The following OR10A3 variants were observed in gnomAD, a reference collection of about 807,000 sequenced individuals.
OR10A3 encodes olfactory receptor family 10 subfamily A member 3, also known as olfactory receptor 10A3.
A neutral mutation model predicts 1.5 loss-of-function variants in OR10A3; 1 was observed. That is an observed-to-expected ratio of 0.66 (90% CI 0.23 to 3.11). The LOEUF is 3.11. Among genes scored for constraint, OR10A3 ranks in the 30% most tolerant of loss-of-function variants. The probability of loss-of-function intolerance (pLI) is 0.21; values close to 1 mark genes in which losing one functional copy is unlikely to be tolerated. For missense variants in OR10A3, 398 were observed against 369.7 expected (o/e 1.08, Z -0.63); for synonymous variants, 145 against 143.7 (o/e 1.01, Z -0.06).
chr11:7,939,586 T>C lies in OR10A3; in HGVS notation c.-66A>G, dbSNP rs1941411052. 3.2e-6 allele frequency: 4 copies of C among 1,238,050 alleles called. No individual in the cohort carries two copies. The Admixed American group carries it at 7.6e-5, about 23-fold the overall frequency. 76.7% of individuals were successfully genotyped at this position (1,238,050 alleles called of 1,614,324 possible). ...TATCGAGTATGAAGTCGTAATCCCA[T>C]AGCTGTGAGTTCAAGTCTGGAATTC... On this transcript the variant is annotated 5_prime_UTR_variant, in exon 2 of 2. It removes an upstream start codon present in the reference 5' UTR. Coordinates refer to ENST00000642047, the MANE Select transcript of OR10A3 (RefSeq NM_001003745.2).
rs1315508144 is a variant in OR10A3, at chr11:7,938,829, G to C, written c.692C>G (p.Thr231Ser). 2 of 1,614,204 alleles carry C rather than the reference G, an allele frequency of 1.2e-6. No homozygotes were observed. The highest frequency in any genetic ancestry group is 3.3e-5 in the Admixed American group (2 of 60,026). Residue 231 changes from threonine (T) to serine (S), a missense_variant, in exon 2 of 2, where the codon ACT becomes AGT. Coordinates refer to ENST00000642047, the MANE Select transcript of OR10A3 (RefSeq NM_001003745.2). ...GGAAAAGGCCTTTTGTCTCCCAGTA[G>C]TTGATGGCATCTTCAGGATGGCAAA... ...VLFAILKMPS[T>S]TGRQKAFSTC... is the part of the protein sequence containing the mutation.
chr11:7,939,765 A>G, intron 1 of OR10A3, 67 bp from the exon 2 acceptor site: 1 of 437,254 alleles, frequency 2.3e-6, no homozygotes. Flanking sequence ...GTACAAAATA[A>G]CAGTAAATGT....
In OR10A3 at chr11:7,937,969, G is replaced by A. The variant is rs571848217; in HGVS notation, c.*607C>T. On this transcript the variant is annotated 3_prime_UTR_variant, in exon 2 of 2. Coordinates refer to ENST00000642047, the MANE Select transcript of OR10A3 (RefSeq NM_001003745.2). ...CAGGTATAATGACATCAGTACATATGAGCATATGGAACAAGGCATTTATTG... is the reference window on the plus strand; with the variant it reads ...CAGGTATAATGACATCAGTACATATAAGCATATGGAACAAGGCATTTATTG... The A allele has an allele frequency of 6.5e-6, 1 of 153,554 alleles. No individual in the cohort carries two copies. Among genetic ancestry groups the A allele is most frequent in the South Asian group, 2.0e-4 (1 of 4,880 alleles). The allele number at this position is 153,554 out of a possible 1,614,324, so 9.5% of individuals were successfully genotyped here. A position where few individuals can be genotyped will look rare whatever the true frequency, so the allele number is the denominator to read the frequency against.
In OR10A3 at chr11:7,938,436, T is replaced by C; in HGVS notation, c.*140A>G. 1.6e-6 allele frequency: 1 copy of C among 640,112 alleles called. No homozygotes were observed. The allele number at this position is 640,112 out of a possible 1,614,324, so 39.7% of individuals were successfully genotyped here. A position where few individuals can be genotyped will look rare whatever the true frequency, so the allele number is the denominator to read the frequency against. ...CTAAAAACAAGTGACAGCAGTTCTTTATTGAGATACGTTTTCCAATAAAAA... is the reference window on the plus strand; with the variant it reads ...CTAAAAACAAGTGACAGCAGTTCTTCATTGAGATACGTTTTCCAATAAAAA... On this transcript the variant is annotated 3_prime_UTR_variant, in exon 2 of 2. Coordinates refer to ENST00000642047, the MANE Select transcript of OR10A3 (RefSeq NM_001003745.2).
At chr11:7,940,363 C>G (rs1363780735) in intron 1 of OR10A3, among the ~76,000 whole-genome samples, 1 of 152,134 alleles carries the variant, frequency 6.6e-6, no homozygotes, top group Non-Finnish European at 1.5e-5. Context: ...ATCCTTGTCT[C>G]CCAGTATTCC....
Position 7,939,383 on chromosome 11 carries a change from T to C in OR10A3, c.138A>G (p.Thr46=), listed in dbSNP as rs1564871198. The part of the protein sequence containing the change: ...VVTLMGNAII[T]VIISLNQSLH... ...GGCTCTGGTTTAAGGAGATGATGAC[T>C]GTAATGATGGCATTTCCCATCAGGG... is the stretch of plus-strand genomic sequence containing the variant. The change falls in exon 2 of 2, where the codon ACA becomes ACG. Residue 46 remains threonine, a synonymous_variant. Transcript: ENST00000642047. 1.2e-6 allele frequency: 2 copies of C among 1,614,028 alleles called. No individual in the cohort carries two copies. The highest frequency in any genetic ancestry group is 2.2e-5 in the East Asian group (1 of 44,886).
intron 1 of OR10A3, among the ~76,000 whole-genome samples, chr11:7,940,296 C>T (rs1941425243): frequency 6.6e-6 from 1 of 152,126 alleles, no homozygotes; most frequent in Non-Finnish European, 1.5e-5. Flanking sequence ...ACTGCCCCTC[C>T]AGAGCCACTC....
At position 7,938,977 on chromosome 11, in the gene OR10A3, G is replaced by T. The variant is rs1564870966; in HGVS notation, c.544C>A (p.Pro182Thr). Reference protein sequence around the residue: ...NEINHLFCETPPVLELVCADT... With the variant: ...NEINHLFCETTPVLELVCADT... ...GCACACACAAGCTCTAGTACCGGGGGAGTCTCACAGAAGAGATGATTAATT... is the reference window on the plus strand; with the variant it reads ...GCACACACAAGCTCTAGTACCGGGGTAGTCTCACAGAAGAGATGATTAATT... Residue 182 changes from proline to threonine, a missense_variant, in exon 2 of 2, where the codon CCC becomes ACC. Pro to Thr is a conservative substitution (Grantham distance 38, BLOSUM62 -1). Transcript: ENST00000642047. 3 of 1,614,156 alleles carry T rather than the reference G, an allele frequency of 1.9e-6. No individual in the cohort carries two copies. The highest frequency in any genetic ancestry group is 1.3e-5 in the African/African-American group (1 of 75,046).
In OR10A3 at chr11:7,938,946, G is replaced by C. The variant is rs1379590044; in HGVS notation, c.575C>G (p.Thr192Ser). ...PPVLELVCAD[T>S]FLFEIYAFTG... ...GAAGGCATAGATTTCAAATAAGAAG[G>C]TGTCTGCACACACAAGCTCTAGTAC... is the stretch of plus-strand genomic sequence containing the variant. Residue 192 changes from threonine (T) to serine (S), a missense_variant, in exon 2 of 2, where the codon ACC becomes AGC. Physicochemically the swap from Thr to Ser is moderately conservative, Grantham distance 58. Transcript: ENST00000642047. The C allele has an allele frequency of 1.9e-6, 3 of 1,613,974 alleles. No homozygotes were observed. In the African/African-American group the frequency reaches 4.0e-5, roughly 22 times the overall value.
chr11:7,938,079 G>A lies in OR10A3; in HGVS notation c.*497C>T, dbSNP rs768657959. 14 of 156,488 alleles carry A rather than the reference G, an allele frequency of 8.9e-5. No individual in the cohort carries two copies. Among genetic ancestry groups the A allele is most frequent in the East Asian group, 1.9e-4 (1 of 5,252 alleles). 9.7% of individuals were successfully genotyped at this position (156,488 alleles called of 1,614,324 possible). A position where few individuals can be genotyped will look rare whatever the true frequency, so the allele number is the denominator to read the frequency against. On this transcript the variant is annotated 3_prime_UTR_variant, in exon 2 of 2. Transcript: ENST00000642047. ...AGCGCTTTGGGAGGCCGAGGTGGGC[G>A]GATCATCTAAGGTTGGGAGTTTGAG... is the stretch of plus-strand genomic sequence containing the variant.
Position 7,938,986 on chromosome 11 carries a change from A to C in OR10A3, c.535T>G (p.Cys179Gly), listed in dbSNP as rs1459834921. The stretch of plus-strand genomic sequence containing the variant: ...AGCTCTAGTACCGGGGGAGTCTCAC[A>C]GAAGAGATGATTAATTTCATTGGGG... ...CGPNEINHLF[C>G]ETPPVLELVC... The change falls in exon 2 of 2, where the codon TGT becomes GGT. Residue 179 changes from cysteine (C) to glycine (G), a missense_variant. Cys to Gly is a radical substitution (Grantham distance 159). Coordinates refer to ENST00000642047, the MANE Select transcript of OR10A3 (RefSeq NM_001003745.2). The C allele has an allele frequency of 1.2e-6, 2 of 1,614,234 alleles. No individual in the cohort carries two copies. The highest frequency in any genetic ancestry group is 4.5e-5 in the East Asian group (2 of 44,884).
Position 7,939,306 on chromosome 11 carries a change from C to T in OR10A3, c.215G>A (p.Ser72Asn). Residue 72 changes from serine (S) to asparagine (N), a missense_variant, in exon 2 of 2, where the codon AGT (serine) becomes AAT (asparagine). Physicochemically the swap from Ser to Asn is conservative, Grantham distance 46. Transcript: ENST00000642047. ...TTCAGGCGTAATGACTGCACTGAAA[C>T]TCACCTCCACCACAGATAGGTTCAG... ...FLLNLSVVEV[S>N]FSAVITPEML... 1 of 1,614,088 alleles carries T rather than the reference C, an allele frequency of 6.2e-7. No individual in the cohort carries two copies. Among genetic ancestry groups the T allele is most frequent in the Admixed American group, 1.7e-5 (1 of 60,012 alleles).
Position 7,938,489 on chromosome 11 carries a change from A to G in OR10A3, c.*87T>C, listed in dbSNP as rs1941387455. 5.7e-6 allele frequency: 6 copies of G among 1,047,820 alleles called. No homozygotes were observed. Among genetic ancestry groups the G allele is most frequent in the Non-Finnish European group, 8.3e-6 (6 of 727,200 alleles). The allele number at this position is 1,047,820 out of a possible 1,614,324, so 64.9% of individuals were successfully genotyped here. A position where few individuals can be genotyped will look rare whatever the true frequency, so the allele number is the denominator to read the frequency against. On this transcript the variant is annotated 3_prime_UTR_variant, in exon 2 of 2. Transcript: ENST00000642047. ...CTCAACAAACTTACATAGTCATACAAAAAATGCAGTCTGTTTTCACCCTTT... is the reference window on the plus strand; with the variant it reads ...CTCAACAAACTTACATAGTCATACAGAAAATGCAGTCTGTTTTCACCCTTT...
Position 7,938,715 on chromosome 11 carries a change from T to C in OR10A3, c.806A>G (p.Glu269Gly), listed in dbSNP as rs1228743810. The part of the protein sequence containing the change: ...YLQPKSGYSP[E>G]TKKLISLAYT... ...AGCCAATGAGATCAGTTTCTTGGTT[T>C]CGGGTGAGTAGCCAGATTTGGGTTG... The change falls in exon 2 of 2, where the codon GAA (glutamate) becomes GGA (glycine). Residue 269 changes from glutamate to glycine, a missense_variant. By Grantham distance (98) the Glu-to-Gly change is moderately conservative (BLOSUM62 -2). Coordinates refer to ENST00000642047, the MANE Select transcript of OR10A3 (RefSeq NM_001003745.2). 1 of 1,614,206 alleles carries C rather than the reference T, an allele frequency of 6.2e-7. No individual in the cohort carries two copies. Among genetic ancestry groups the C allele is most frequent in the South Asian group, 1.1e-5 (1 of 91,084 alleles).
Position 7,938,858 on chromosome 11 carries a change from A to C in OR10A3, c.663T>G (p.Val221=). The change falls in exon 2 of 2, where the codon GTT becomes GTG. Residue 221 remains valine (V), a synonymous_variant. Transcript: ENST00000642047. ...FLLILLSYIR[V]LFAILKMPST... ...ATGGCATCTTCAGGATGGCAAACAG[A>C]ACTCGAATGTAAGACAAGAGGATCA... 1 of 1,614,236 alleles carries C rather than the reference A, an allele frequency of 6.2e-7. No individual in the cohort carries two copies. The highest frequency in any genetic ancestry group is 8.5e-7 in the Non-Finnish European group (1 of 1,180,028).
rs187248979 is a variant in OR10A3 at position 7,940,999 on chromosome 11, A to G, written c.-179+588T>C. 5.2e-4 allele frequency among the ~76,000 whole-genome samples: 79 copies of G among 152,280 alleles called. 2 individuals carry two copies. Among genetic ancestry groups the G allele is most frequent in the African/African-American group, 1.8e-3 (73 of 41,562 alleles). ...GCAGAGAGGAAAAGGCAATTGATTTATTGAGTCTGACCATAGTGATATTAA... is the reference window on the plus strand; with the variant it reads ...GCAGAGAGGAAAAGGCAATTGATTTGTTGAGTCTGACCATAGTGATATTAA... On this transcript the variant is annotated intron_variant, in intron 1 of 1. Transcript: ENST00000642047.
chr11:7,939,963 G>A (rs1267591239), intron 1 of OR10A3, among the ~76,000 whole-genome samples: 4 of 152,192 alleles, frequency 2.6e-5, no homozygotes, highest in Non-Finnish European at 5.9e-5. Flanking sequence ...GGTTACGCCT[G>A]GATTGCGAGC....
chr11:7,938,523 T>A lies in OR10A3; in HGVS notation c.*53A>T. ...GTCTGTTTTCACCCTTTATTAAATT[T>A]AAATAGAGTTCACTCAGGCAGTGGC... is the stretch of plus-strand genomic sequence containing the variant. On this transcript the variant is annotated 3_prime_UTR_variant, in exon 2 of 2. Transcript: ENST00000642047. The A allele has an allele frequency of 7.4e-7, 1 of 1,348,172 alleles. No homozygotes were observed. Among genetic ancestry groups the A allele is most frequent in the African/African-American group, 1.5e-5 (1 of 68,202 alleles). 83.5% of individuals were successfully genotyped at this position (1,348,172 alleles called of 1,614,324 possible).
Position 7,937,949 on chromosome 11 carries a change from A to G in OR10A3, c.*627T>C, listed in dbSNP as rs1941378786. ...ACTGTAGCAAATCTATCACACAGGT[A>G]TAATGACATCAGTACATATGAGCAT... On this transcript the variant is annotated 3_prime_UTR_variant, in exon 2 of 2. Transcript: ENST00000642047. 1 of 152,460 alleles carries G rather than the reference A, an allele frequency of 6.6e-6. No homozygotes were observed. Among genetic ancestry groups the G allele is most frequent in the Non-Finnish European group, 1.5e-5 (1 of 68,202 alleles). 9.4% of individuals were successfully genotyped at this position (152,460 alleles called of 1,614,324 possible). A position where few individuals can be genotyped will look rare whatever the true frequency, so the allele number is the denominator to read the frequency against.
Sources: allele counts gnomAD v4.1 joint callset (sites outside exome capture counted in the v4.1 genomes callset), GRCh38; gene constraint gnomAD v4.1.1; transcripts MANE v1.5; gene names NCBI Gene and HGNC (gene_info 2026-07-23, HGNC 2026-07-21).